DMTN: variants seen among roughly 807,000 people sequenced by gnomAD.
The protein encoded by DMTN is dematin actin binding protein, also known as dematin.
Under a neutral mutation model 59.4 loss-of-function variants are expected in DMTN, and 27 were observed. That is an observed-to-expected ratio of 0.45 (90% CI 0.33 to 0.63). DMTN has a LOEUF of 0.63. Among genes scored for constraint, DMTN ranks in the 20% least tolerant of loss-of-function variants. The pLI, the probability that DMTN is intolerant of heterozygous loss-of-function variation, is 0.02. For synonymous variants in DMTN, 221 were observed against 203.7 expected (o/e 1.08, Z -0.72); for missense variants, 451 against 528.9 (o/e 0.85, Z 1.45).
At chr8:22,069,353 T>C in intron 5 of DMTN, 66 bp from the exon 6 acceptor site, 4 of 1,365,428 alleles carry the variant, frequency 2.9e-6, no homozygotes, top group Non-Finnish European at 4.1e-6. Flanking sequence ...TGGTGTGAGC[T>C]GATGGGGTGC....
chr8:22,062,831 A>T (rs1157067775), intron 1 of DMTN, among the ~76,000 whole-genome samples: 1 of 148,642 alleles, frequency 6.7e-6, no homozygotes, highest in Non-Finnish European at 1.5e-5. Context: ...TCTTTCTCTC[A>T]ATATGTTTTG....
In DMTN at chr8:22,073,149, C is replaced by T. The variant is rs191194059; in HGVS notation, c.730-581C>T. Among the ~76,000 whole-genome samples the T allele has an allele frequency of 2.0e-3, 308 of 152,252 alleles. 1 individual carries two copies. The highest frequency in any genetic ancestry group is 6.8e-3 in the Middle Eastern group (2 of 294). ...TGACCTGGGACAAGGACAGGGAGGCCGCCGTGGTAGAGTTCTACCAAGCAG... is the reference window on the plus strand; with the variant it reads ...TGACCTGGGACAAGGACAGGGAGGCTGCCGTGGTAGAGTTCTACCAAGCAG... On this transcript the variant is annotated intron_variant, in intron 9 of 15. Coordinates refer to ENST00000358242, the MANE Select transcript of DMTN (RefSeq NM_001387751.1).
At chr8:22,052,207 C>A (rs1018413881), upstream of DMTN, among the ~76,000 whole-genome samples, 4 of 152,214 alleles carry the variant, frequency 2.6e-5, no homozygotes, top group African/African-American at 9.6e-5. Flanking sequence ...CACAGCTTGT[C>A]CAGAACTGTC....
chr8:22,075,271 C>T (rs994308317), intron 10 of DMTN, among the ~76,000 whole-genome samples: 9 of 151,960 alleles, frequency 5.9e-5, no homozygotes, highest in Non-Finnish European at 1.0e-4. Flanking sequence ...TCACTGGCCA[C>T]CTAGACTCAA....
chr8:22,059,707 A>G (rs980935543), intron 1 of DMTN, among the ~76,000 whole-genome samples: 1 of 152,090 alleles, frequency 6.6e-6, no homozygotes, highest in East Asian at 1.9e-4. Context: ...AGGTTTAGAG[A>G]CGATGTATGA....
chr8:22,066,508 T>C (rs959642983), intron 1 of DMTN, 197 bp from the exon 2 acceptor site: 1 of 169,402 alleles, frequency 5.9e-6, no homozygotes, highest in South Asian at 2.0e-4. Flanking sequence ...GTCATTTCCT[T>C]TGAAGCCAGA....
upstream of DMTN, chr8:22,054,857 C>G (rs943752383): frequency 2.0e-5 from 3 of 152,376 alleles, no homozygotes; most frequent in Non-Finnish European, 4.4e-5. Context: ...CTTCCTCCTC[C>G]CCCCCTCCCT....
chr8:22,074,764 G>A lies in DMTN; in HGVS notation c.835+929G>A, dbSNP rs540022962. On this transcript the variant is annotated intron_variant, in intron 10 of 15. Transcript: ENST00000358242. Reference sequence around the variant, plus strand: ...GCAGTGGGCAGTGAGACCAAGAGATGGGGAGCGGGGCAGGCTTTGAATGGC... The same window carrying A: ...GCAGTGGGCAGTGAGACCAAGAGATAGGGAGCGGGGCAGGCTTTGAATGGC... Among the ~76,000 whole-genome samples the A allele has an allele frequency of 2.0e-5, 3 of 152,284 alleles. No individual in the cohort carries two copies. In the South Asian group the frequency reaches 6.2e-4, roughly 32 times the overall value.
chr8:22,079,622 G>T (rs73545601), intron 10 of DMTN, among the ~76,000 whole-genome samples: 5 of 151,554 alleles, frequency 3.3e-5, no homozygotes, highest in African/African-American at 9.7e-5. Context: ...ATTTTTGGCC[G>T]GGCACGGTGT....
chr8:22,074,188 T>C (rs1817989252), intron 10 of DMTN, among the ~76,000 whole-genome samples: 1 of 152,208 alleles, frequency 6.6e-6, no homozygotes, highest in Non-Finnish European at 1.5e-5. Flanking sequence ...GCCGGTATTG[T>C]GATCAAGGTG....
upstream of DMTN, among the ~76,000 whole-genome samples, chr8:22,050,297 G>T (rs876648): frequency 2.0e-5 from 3 of 152,062 alleles, no homozygotes; most frequent in Non-Finnish European, 4.4e-5. Context: ...CTGGACTTTG[G>T]GGGGTGGCTG....
chr8:22,049,697 G>T (rs1178725895), upstream of DMTN, among the ~76,000 whole-genome samples: 2 of 151,704 alleles, frequency 1.3e-5, no homozygotes, highest in African/African-American at 2.4e-5. Flanking sequence ...TTCTGAGGAT[G>T]TCCCCCAGCC....
upstream of DMTN, among the ~76,000 whole-genome samples, chr8:22,050,214 A>G (rs762588413): frequency 2.0e-5 from 3 of 151,962 alleles, no homozygotes; most frequent in East Asian, 1.9e-4. Context: ...GGCGAGTTCA[A>G]TGGGACTTAA....
At chr8:22,057,167 C>G (rs908952928) in intron 1 of DMTN, 31 bp downstream of exon 1, 1 of 152,384 alleles carries the variant, frequency 6.6e-6, no homozygotes, top group Non-Finnish European at 1.5e-5. Context: ...CTCTCCTCCC[C>G]TCTGTGGGCA....
chr8:22,074,186 T>C (rs1006126537), intron 10 of DMTN, among the ~76,000 whole-genome samples: 12 of 152,168 alleles, frequency 7.9e-5, no homozygotes, highest in Non-Finnish European at 1.8e-4. Flanking sequence ...TGGCCGGTAT[T>C]GTGATCAAGG....
At position 22,080,939 on chromosome 8, in the gene DMTN, G is replaced by C. The variant is rs1823862895; in HGVS notation, c.1023+69G>C. ...TGGGGAGATGCCAGGCAAGTGGAAT[G>C]TGCTGCGGGGTCTTCCTGGTGTTGA... is the stretch of plus-strand genomic sequence containing the variant. On this transcript the variant is annotated intron_variant, in intron 14 of 15. Transcript: ENST00000358242. 13 of 1,513,776 alleles carry C rather than the reference G, an allele frequency of 8.6e-6. No homozygotes were observed. In the South Asian group the frequency reaches 1.7e-4, roughly 19 times the overall value. 93.8% of individuals were successfully genotyped at this position (1,513,776 alleles called of 1,614,324 possible). A position where few individuals can be genotyped will look rare whatever the true frequency, so the allele number is the denominator to read the frequency against.
chr8:22,069,308 G>A (rs1187761908), intron 5 of DMTN, 111 bp from the exon 6 acceptor site: 10 of 1,001,474 alleles, frequency 1.0e-5, no homozygotes, highest in South Asian at 1.5e-5. Context: ...GGGTTTGGAG[G>A]GATGCAGCCG....
At position 22,073,829 on chromosome 8, in the gene DMTN, C is replaced by A. The variant is rs2131272766; in HGVS notation, c.829C>A (p.His277Asn). ...CTCTCTGCCTGACCGGACACCCTTC[C>A]ATACCTGTGAGTGCTGTGGAGGGGG... is the stretch of plus-strand genomic sequence containing the variant. ...TRSLPDRTPF[H>N]TSLHQGTSKS... The change falls in exon 10 of 16, where the codon CAT becomes AAT. Residue 277 changes from histidine (H) to asparagine (N), a missense_variant. Transcript: ENST00000358242. 1 of 1,613,848 alleles carries A rather than the reference C, an allele frequency of 6.2e-7. No individual in the cohort carries two copies. The highest frequency in any genetic ancestry group is 1.1e-5 in the South Asian group (1 of 91,074).
At chr8:22,068,864 CTG>C in intron 4 of DMTN, 150 bp from the exon 5 acceptor site, 1 of 910,982 alleles carries the variant, frequency 1.1e-6, no homozygotes, top group South Asian at 1.4e-5. Context: ...GTGCAGGGAA[CTG>C]TGGGAAGGAT....
Sources: allele counts gnomAD v4.1 joint callset (sites outside exome capture counted in the v4.1 genomes callset), GRCh38; gene constraint gnomAD v4.1.1; transcripts MANE v1.5; gene names NCBI Gene and HGNC (gene_info 2026-07-23, HGNC 2026-07-21).